FAF1: variants seen among roughly 807,000 people sequenced by gnomAD.
FAF1 encodes Fas associated factor 1.
A neutral mutation model predicts 92.5 loss-of-function variants in FAF1; 25 were observed. That is an observed-to-expected ratio of 0.27 (90% confidence interval 0.20 to 0.38). The LOEUF (loss-of-function observed/expected upper bound fraction) is 0.38, where lower values mean the gene tolerates loss of function less well. Among genes scored for constraint, FAF1 ranks in the 10% least tolerant of loss-of-function variants. The pLI is 1.00. For synonymous variants in FAF1, 234 were observed against 273.2 expected, an observed-to-expected ratio of 0.86 and a Z score of 1.42; for missense variants, 636 against 793.3, an observed-to-expected ratio of 0.80 and a Z score of 2.38.
intron 18 of FAF1, among the ~76,000 whole-genome samples, chr1:50,445,604 A>C (rs1049696593): frequency 1.3e-5 from 2 of 152,202 alleles, no homozygotes; most frequent in African/African-American, 2.4e-5. Context: ...AAATGTTTAT[A>C]AAATATGAAT....
At chr1:50,467,425 T>C (rs1284215857) in intron 18 of FAF1, among the ~76,000 whole-genome samples, 1 of 152,208 alleles carries the variant, frequency 6.6e-6, no homozygotes, top group Non-Finnish European at 1.5e-5. Flanking sequence ...GTGATTCTCC[T>C]GCCTCAGCCT....
chr1:50,723,235 T>C (rs1658486088), intron 6 of FAF1, among the ~76,000 whole-genome samples: 1 of 151,968 alleles, frequency 6.6e-6, no homozygotes, highest in Non-Finnish European at 1.5e-5. Flanking sequence ...ATCTCATCTC[T>C]ACTACAAATA....
chr1:50,708,472 C>T (rs1178337575), intron 6 of FAF1, among the ~76,000 whole-genome samples: 2 of 150,516 alleles, frequency 1.3e-5, no homozygotes, highest in East Asian at 3.9e-4. Flanking sequence ...AGTTTTCGTT[C>T]AAAGTTTGAG....
chr1:50,846,724 A>G, intron 2 of FAF1: 1 of 642,052 alleles, frequency 1.6e-6, no homozygotes, highest in South Asian at 1.4e-5. Context: ...CCAAACGTAG[A>G]TGTGATTAGA....
rs117528599 is a variant in FAF1 at position 50,913,743 on chromosome 1, G to A, written c.45+46024C>T. On this transcript the variant is annotated intron_variant, in intron 1 of 18. Coordinates refer to ENST00000396153, the MANE Select transcript of FAF1 (RefSeq NM_007051.3). ...TACTTTCCAAAAGACTAAAGATATC[G>A]TAAAGATACTAAAAAATAGTACTGA... 1.3e-3 allele frequency among the ~76,000 whole-genome samples: 196 copies of A among 152,234 alleles called. 2 individuals carry two copies. The East Asian group carries it at 0.031, about 24-fold the overall frequency.
intron 1 of FAF1, among the ~76,000 whole-genome samples, chr1:50,904,761 A>G (rs1274752258): frequency 6.6e-6 from 1 of 152,140 alleles, no homozygotes. Context: ...CCGTATTTTG[A>G]GCAAAGATGA....
chr1:50,576,994 T>G (rs1650778602), intron 12 of FAF1, among the ~76,000 whole-genome samples: 1 of 152,078 alleles, frequency 6.6e-6, no homozygotes, highest in East Asian at 1.9e-4. Flanking sequence ...TGTCAGCTAA[T>G]GCCAGGGCAT....
chr1:50,770,237 C>T (rs1660729634), intron 4 of FAF1, among the ~76,000 whole-genome samples: 1 of 152,120 alleles, frequency 6.6e-6, no homozygotes, highest in Non-Finnish European at 1.5e-5. Flanking sequence ...ACATATACAG[C>T]ACTGGAAGTC....
At chr1:50,851,996 G>A (rs553386162) in intron 2 of FAF1, among the ~76,000 whole-genome samples, 2 of 151,952 alleles carry the variant, frequency 1.3e-5, no homozygotes, top group South Asian at 2.1e-4. Context: ...AATCAGAACC[G>A]ATAAAAACTT....
intron 15 of FAF1, among the ~76,000 whole-genome samples, chr1:50,523,802 T>C (rs540996250): frequency 3.5e-4 from 53 of 152,288 alleles, no homozygotes; most frequent in African/African-American, 1.2e-3. Context: ...TTGATGGGCA[T>C]TTAGGTTGAT....
intron 8 of FAF1, among the ~76,000 whole-genome samples, chr1:50,651,109 A>C (rs1569678339): frequency 1.3e-5 from 2 of 152,336 alleles, no homozygotes; most frequent in East Asian, 3.9e-4. Context: ...TAAGAGACTC[A>C]AGATTATAAA....
chr1:50,855,334 A>AT lies in FAF1; in HGVS notation c.114+2594dup, dbSNP rs544485188. ...CTCACTGAATGTGTTTTTTTATTAG[A>AT]TTTTTTTTAAGTTCATCACAATTCC... On this transcript the variant is annotated intron_variant, in intron 2 of 18. Transcript: ENST00000396153. Among the ~76,000 whole-genome samples the AT allele has an allele frequency of 2.2e-4, 33 of 151,724 alleles. No individual in the cohort carries two copies. The South Asian group carries it at 4.4e-3, about 20-fold the overall frequency.
intron 6 of FAF1, among the ~76,000 whole-genome samples, chr1:50,706,823 G>A (rs1216865246): frequency 6.6e-6 from 1 of 151,924 alleles, no homozygotes; most frequent in Non-Finnish European, 1.5e-5. Context: ...AAATATTTTG[G>A]GTGTGCTCCA....
At position 50,439,528 on chromosome 1, in the gene FAF1, G is replaced by A. The variant is rs560346287; in HGVS notation, c.*1912C>T. The A allele has an allele frequency of 2.6e-5, 4 of 152,300 alleles. No homozygotes were observed. Among genetic ancestry groups the A allele is most frequent in the African/African-American group, 9.6e-5 (4 of 41,556 alleles). The allele number at this position is 152,300 out of a possible 1,614,324, so 9.4% of individuals were successfully genotyped here. A position where few individuals can be genotyped will look rare whatever the true frequency, so the allele number is the denominator to read the frequency against. On this transcript the variant is annotated 3_prime_UTR_variant, in exon 19 of 19. Coordinates refer to ENST00000396153, the MANE Select transcript of FAF1 (RefSeq NM_007051.3). ...AATACAGAAGTGAAGGTGAGTGGGAGGGAACAATATAATGAAGAAACCCAA... is the reference window on the plus strand; with the variant it reads ...AATACAGAAGTGAAGGTGAGTGGGAAGGAACAATATAATGAAGAAACCCAA...
chr1:50,741,766 A>C (rs1659396984), intron 5 of FAF1, among the ~76,000 whole-genome samples: 1 of 152,250 alleles, frequency 6.6e-6, no homozygotes, highest in South Asian at 2.1e-4. Flanking sequence ...TGGATTCAGC[A>C]GTGGCTATAA....
At chr1:50,724,308 C>CACACACACACACACAT (rs1658553908) in intron 6 of FAF1, among the ~76,000 whole-genome samples, 1 of 140,096 alleles carries the variant, frequency 7.1e-6, no homozygotes, top group African/African-American at 2.6e-5. Flanking sequence ...CACACACACA[C>CACACACACACACACAT]ACACACACAC....
intron 17 of FAF1, among the ~76,000 whole-genome samples, chr1:50,483,876 G>A (rs1013419416): frequency 9.2e-5 from 14 of 152,180 alleles, no homozygotes; most frequent in Non-Finnish European, 1.8e-4. Flanking sequence ...CTGAGATAGG[G>A]AAGACTGCAG....
At chr1:50,529,795 T>G (rs1259572372) in intron 15 of FAF1, among the ~76,000 whole-genome samples, 1 of 152,196 alleles carries the variant, frequency 6.6e-6, no homozygotes, top group East Asian at 1.9e-4. Flanking sequence ...ACCTTGTTTA[T>G]CTTGCTCACA....
At chr1:50,833,481 A>C (rs1557549952) in intron 2 of FAF1, among the ~76,000 whole-genome samples, 3 of 152,148 alleles carry the variant, frequency 2.0e-5, no homozygotes, top group Non-Finnish European at 2.9e-5. Flanking sequence ...TGCATTCACC[A>C]ATCTGGAAGC....
Sources: allele counts gnomAD v4.1 joint callset (sites outside exome capture counted in the v4.1 genomes callset), GRCh38; gene constraint gnomAD v4.1.1; transcripts MANE v1.5; gene names NCBI Gene and HGNC (gene_info 2026-07-23, HGNC 2026-07-21).